The following CFAP43 variants were observed in gnomAD, a reference collection of about 807,000 sequenced individuals.
The protein encoded by CFAP43 is cilia- and flagella-associated protein 43.
CFAP43 carries 155 observed loss-of-function variants against 218.9 expected under a neutral mutation model. The observed-to-expected ratio is 0.71, with a 90% CI of 0.62 to 0.81. The LOEUF is 0.81. CFAP43 is among the 30% of genes least tolerant of loss of function. The pLI, the probability that CFAP43 is intolerant of heterozygous loss-of-function variation, is 0.00. For missense variants in CFAP43, 1,778 were observed against 1,954.3 expected (o/e 0.91, Z 1.70); for synonymous variants, 645 against 681.3 (o/e 0.95, Z 0.83).
chr10:104,167,012 G>A (rs1475056550), intron 22 of CFAP43, among the ~76,000 whole-genome samples: 1 of 151,978 alleles, frequency 6.6e-6, no homozygotes, highest in African/African-American at 2.4e-5. Context: ...GTCTTTTTTG[G>A]TACTTAAGTA....
At chr10:104,148,199 T>C (rs2088070984) in intron 28 of CFAP43, among the ~76,000 whole-genome samples, 1 of 152,178 alleles carries the variant, frequency 6.6e-6, no homozygotes, top group Admixed American at 6.5e-5. Context: ...CATTGTAAGG[T>C]AAATCACATA....
chr10:104,207,275 G>C (rs2090722566), intron 6 of CFAP43, among the ~76,000 whole-genome samples: 1 of 152,110 alleles, frequency 6.6e-6, no homozygotes, highest in Non-Finnish European at 1.5e-5. Context: ...AAAGGGTTGG[G>C]GTGGGGGCAG....
chr10:104,214,208 G>A (rs757439254), intron 4 of CFAP43, 51 bp downstream of exon 4: 23 of 1,498,434 alleles, frequency 1.5e-5, no homozygotes, highest in South Asian at 2.8e-5. Context: ...CACATTACAC[G>A]AATGCAAACA....
intron 3 of CFAP43, among the ~76,000 whole-genome samples, chr10:104,216,931 C>A (rs1402848460): frequency 1.3e-5 from 2 of 152,196 alleles, no homozygotes; most frequent in Non-Finnish European, 2.9e-5. Flanking sequence ...CCTTTCATAG[C>A]TACTCCTATG....
intron 19 of CFAP43, among the ~76,000 whole-genome samples, chr10:104,177,425 C>CA (rs1471515030): frequency 6.6e-6 from 1 of 152,174 alleles, no homozygotes; most frequent in Admixed American, 6.5e-5. Flanking sequence ...CATAACCCTA[C>CA]AGGGAGGAAA....
chr10:104,139,474 C>G (rs776091507), intron 34 of CFAP43, among the ~76,000 whole-genome samples: 36 of 151,974 alleles, frequency 2.4e-4, no homozygotes, highest in Non-Finnish European at 4.4e-4. Context: ...TAAAAAATCT[C>G]AAAGCCAGAC....
At position 104,140,861 on chromosome 10, in the gene CFAP43, T is replaced by C. The variant is rs1367707152; in HGVS notation, c.4412A>G (p.Asp1471Gly). The change falls in exon 34 of 38, where the codon GAC (aspartate) becomes GGC (glycine). Residue 1471 changes from aspartate (D) to glycine (G), a missense_variant. Physicochemically the swap from Asp to Gly is moderately conservative, Grantham distance 94. Around this residue, in one of 3 missense-constraint regions of CFAP43, gnomAD observed 211 missense variants for 230.6 expected, o/e 0.91. Transcript: ENST00000357060. ...AATTACCCGAATCACAGAATTCAAGTCTTCAATTATGTTCTTGTTGATGAG... is the reference window on the plus strand; with the variant it reads ...AATTACCCGAATCACAGAATTCAAGCCTTCAATTATGTTCTTGTTGATGAG... ...AILINKNIIE[D>G]LNSVIRTQGQ... is the part of the protein sequence containing the mutation. The C allele has an allele frequency of 6.3e-7, 1 of 1,597,432 alleles. No homozygotes were observed. The highest frequency in any genetic ancestry group is 8.5e-7 in the Non-Finnish European group (1 of 1,175,824).
At chr10:104,217,840 T>A (rs1026301890) in intron 3 of CFAP43, among the ~76,000 whole-genome samples, 7 of 152,194 alleles carry the variant, frequency 4.6e-5, no homozygotes, top group Non-Finnish European at 7.3e-5. Context: ...GGGGACTTTC[T>A]CTCAATAATT....
chr10:104,187,843 C>G (rs2090081619), intron 13 of CFAP43, among the ~76,000 whole-genome samples: 1 of 152,198 alleles, frequency 6.6e-6, no homozygotes, highest in South Asian at 2.1e-4. Context: ...ATTTGCAAAA[C>G]TGCTAACCTG....
chr10:104,187,219 AACTATTCTGT>A, intron 14 of CFAP43, 91 bp downstream of exon 14: 1 of 928,176 alleles, frequency 1.1e-6, no homozygotes, highest in Non-Finnish European at 1.5e-6. Flanking sequence ...TTGTTAACTG[AACTATTCTGT>A]TAAAGTGGTC....
At chr10:104,162,480 A>T in intron 24 of CFAP43, 77 bp from the exon 25 acceptor site, 1 of 1,282,962 alleles carries the variant, frequency 7.8e-7, no homozygotes, top group Non-Finnish European at 1.1e-6. Context: ...TACTGGGAGG[A>T]GGCTGGAAGA....
chr10:104,184,462 C>CTTTTTTTTT (rs34684487), intron 16 of CFAP43, among the ~76,000 whole-genome samples: 10 of 142,076 alleles, frequency 7.0e-5, no homozygotes, highest in Non-Finnish European at 4.6e-5. Flanking sequence ...TTAACTATGT[C>CTTTTTTTTT]TTTTTTTTTT....
chr10:104,196,804 G>A (rs777506806), intron 10 of CFAP43, 49 bp downstream of exon 10: 2 of 1,432,742 alleles, frequency 1.4e-6, no homozygotes, highest in African/African-American at 1.4e-5. Context: ...AAAGTAGATT[G>A]GATTAGAATT....
intron 27 of CFAP43, among the ~76,000 whole-genome samples, chr10:104,159,094 CG>C (rs1486056131): frequency 6.6e-6 from 1 of 151,878 alleles, no homozygotes; most frequent in Non-Finnish European, 1.5e-5. Flanking sequence ...TAGATAATTG[CG>C]GAAGCTGGAT....
chr10:104,139,051 A>G (rs902568886), intron 34 of CFAP43, among the ~76,000 whole-genome samples: 2 of 152,232 alleles, frequency 1.3e-5, no homozygotes, highest in African/African-American at 4.8e-5. Context: ...CTGTCTATCT[A>G]TCTATCTATC....
chr10:104,179,150 T>C, intron 18 of CFAP43, 44 bp from the exon 19 acceptor site: 2 of 1,440,318 alleles, frequency 1.4e-6, no homozygotes, highest in Non-Finnish European at 1.9e-6. Context: ...AAGAGAAATA[T>C]CAGACAGAGA....
chr10:104,198,644 T>A (rs1007330861), intron 8 of CFAP43, among the ~76,000 whole-genome samples: 11 of 152,222 alleles, frequency 7.2e-5, no homozygotes, highest in East Asian at 1.9e-4. Context: ...TTTAATTTTT[T>A]AAAATTTCAT....
rs2088485668 is a variant in CFAP43, at chr10:104,155,344, G to A, written c.3541-2618C>T. Reference sequence around the variant, plus strand: ...TATCAGGAGCACTCATAGCAGTGAGGGGATGGGCACAGCAGCTGGCAAAGG... The same window carrying A: ...TATCAGGAGCACTCATAGCAGTGAGAGGATGGGCACAGCAGCTGGCAAAGG... On this transcript the variant is annotated intron_variant, in intron 27 of 37. Coordinates refer to ENST00000357060, the MANE Select transcript of CFAP43 (RefSeq NM_025145.7). Among the ~76,000 whole-genome samples, 4 of 152,182 alleles carry A rather than the reference G, an allele frequency of 2.6e-5. No individual in the cohort carries two copies. The South Asian group carries it at 8.3e-4, about 32-fold the overall frequency.
chr10:104,232,226 G>A lies in CFAP43; in HGVS notation c.21C>T (p.Arg7=), dbSNP rs2091470456. 6.2e-7 allele frequency: 1 copy of A among 1,608,278 alleles called. No individual in the cohort carries two copies. Among genetic ancestry groups the A allele is most frequent in the African/African-American group, 1.3e-5 (1 of 74,886 alleles). ...CGCCGGCGGAGTGGGGGCCTTCGTC[G>A]CGCTCCCGGCCTTGCGCCATGGGCA... MAQGRE[R]DEGPHSAGGA... Residue 7 remains arginine, a synonymous_variant, in exon 1 of 38, where the codon CGC becomes CGT. Coordinates refer to ENST00000357060, the MANE Select transcript of CFAP43 (RefSeq NM_025145.7).
Sources: allele counts gnomAD v4.1 joint callset (sites outside exome capture counted in the v4.1 genomes callset), GRCh38; gene constraint gnomAD v4.1.1; regional missense constraint gnomAD v4.1.1; transcripts MANE v1.5; gene names NCBI Gene and HGNC (gene_info 2026-07-23, HGNC 2026-07-21).